YWHAG: variants seen among roughly 807,000 people sequenced by gnomAD.
YWHAG encodes tyrosine 3-monooxygenase/tryptophan 5-monooxygenase activation protein gamma.
In YWHAG, 1 loss-of-function variant was observed where a neutral mutation model predicts 23.3. The ratio of observed to expected loss-of-function variants is 0.04; its 90% CI spans 0.02 to 0.20. The LOEUF (loss-of-function observed/expected upper bound fraction) is 0.20. Ranked by LOEUF, YWHAG falls within the 10% of genes least tolerant of loss-of-function variation. The probability of loss-of-function intolerance (pLI) is 1.00; values close to 1 mark genes in which losing one functional copy is unlikely to be tolerated. For synonymous variants in YWHAG, 160 were observed against 144.0 expected, an observed-to-expected ratio of 1.11 and a Z score of -0.80; for missense variants, 151 against 338.6, an observed-to-expected ratio of 0.45 and a Z score of 4.35.
chr7:76,330,834 AC>A (rs1803532382), intron 1 of YWHAG, among the ~76,000 whole-genome samples: 1 of 152,104 alleles, frequency 6.6e-6, no homozygotes, highest in Admixed American at 6.5e-5. Context: ...CAACTTTACA[AC>A]CAGCAATACA....
rs115981348 is a variant in YWHAG, at chr7:76,351,091, C to A, written c.87+7631G>T. Among the ~76,000 whole-genome samples, 5 of 152,178 alleles carry A rather than the reference C, an allele frequency of 3.3e-5. No individual in the cohort carries two copies. In the East Asian group the frequency reaches 9.7e-4, roughly 29 times the overall value. ...AGAATATAAACTGTAGAAAAAGACA[C>A]GATGGAAATATCCCTGCATGTGAAT... On this transcript the variant is annotated intron_variant, in intron 1 of 1. Transcript: ENST00000307630.
intron 1 of YWHAG, among the ~76,000 whole-genome samples, chr7:76,358,207 T>C (rs1023064103): frequency 6.6e-5 from 10 of 151,898 alleles, no homozygotes; most frequent in Non-Finnish European, 1.3e-4. Context: ...TTCTCAGGGA[T>C]GTGTCGGGAC....
In YWHAG at chr7:76,329,509, C is replaced by CA; in HGVS notation, c.*67dup. ...CCCTTTCCCTCCCCCACCCGACCCCCAACTCATGGGAAAAAAATAAAGACT... is the reference window on the plus strand; with the variant it reads ...CCCTTTCCCTCCCCCACCCGACCCCCAAACTCATGGGAAAAAAATAAAGACT... On this transcript the variant is annotated 3_prime_UTR_variant, in exon 2 of 2. Coordinates refer to ENST00000307630, the MANE Select transcript of YWHAG (RefSeq NM_012479.4). The surrounding 1 kb of genome is among the most constrained non-coding windows in gnomAD (Gnocchi z 6.1). 7.0e-7 allele frequency: 1 copy of CA among 1,421,576 alleles called. No individual in the cohort carries two copies. Among genetic ancestry groups the CA allele is most frequent in the Non-Finnish European group, 9.4e-7 (1 of 1,069,516 alleles). 88.1% of individuals were successfully genotyped at this position (1,421,576 alleles called of 1,614,324 possible). A position where few individuals can be genotyped will look rare whatever the true frequency, so the allele number is the denominator to read the frequency against.
At chr7:76,344,153 T>C (rs1374124543) in intron 1 of YWHAG, among the ~76,000 whole-genome samples, 13 of 152,048 alleles carry the variant, frequency 8.5e-5, no homozygotes, top group Admixed American at 8.5e-4. Flanking sequence ...CTCTGTTGCC[T>C]AGGCTGGAAT....
At chr7:76,351,734 G>A (rs562551849) in intron 1 of YWHAG, among the ~76,000 whole-genome samples, 13 of 152,292 alleles carry the variant, frequency 8.5e-5, no homozygotes, top group African/African-American at 2.9e-4. Flanking sequence ...ACCCCCAGAC[G>A]GGACCATCTA....
intron 1 of YWHAG, among the ~76,000 whole-genome samples, chr7:76,353,883 A>C (rs1286798845): frequency 6.6e-6 from 1 of 151,944 alleles, no homozygotes. Flanking sequence ...AGCCTGGACA[A>C]CATGGCAACA....
Position 76,328,540 on chromosome 7 carries a change from C to G in YWHAG, c.*1037G>C, listed in dbSNP as rs1384747870. ...CCACAGACCTTCTCCAAACGCCTCT[C>G]CGACCCCACAGCTTCTGCACCCAGC... On this transcript the variant is annotated 3_prime_UTR_variant, in exon 2 of 2. Transcript: ENST00000307630. The G allele has an allele frequency of 1.3e-5, 2 of 152,224 alleles. No individual in the cohort carries two copies. The highest frequency in any genetic ancestry group is 4.8e-5 in the African/African-American group (2 of 41,428). 9.4% of individuals were successfully genotyped at this position (152,224 alleles called of 1,614,324 possible).
chr7:76,348,925 A>C (rs1563667182), intron 1 of YWHAG, among the ~76,000 whole-genome samples: 2 of 152,238 alleles, frequency 1.3e-5, no homozygotes, highest in Non-Finnish European at 2.9e-5. Flanking sequence ...TTAAAATCAG[A>C]AGATTATCAC....
chr7:76,327,959 G>C lies in YWHAG; in HGVS notation c.*1618C>G, dbSNP rs191562756. ...GTTCCTAATTGTAAGCTCAATTTTG[G>C]TATTAGCAAAAGCATCTGTCAGTTT... On this transcript the variant is annotated 3_prime_UTR_variant, in exon 2 of 2. Transcript: ENST00000307630. The C allele has an allele frequency of 2.0e-5, 3 of 151,992 alleles. No individual in the cohort carries two copies. Among genetic ancestry groups the C allele is most frequent in the African/African-American group, 7.2e-5 (3 of 41,410 alleles). The allele number at this position is 151,992 out of a possible 1,614,324, so 9.4% of individuals were successfully genotyped here.
At chr7:76,356,737 T>G (rs1444128926) in intron 1 of YWHAG, among the ~76,000 whole-genome samples, 1 of 152,228 alleles carries the variant, frequency 6.6e-6, no homozygotes, top group African/African-American at 2.4e-5. Context: ...AAAAGCATCT[T>G]ATAAACTTTT....
At chr7:76,346,315 C>T (rs1166964713) in intron 1 of YWHAG, among the ~76,000 whole-genome samples, 1 of 152,188 alleles carries the variant, frequency 6.6e-6, no homozygotes, top group Non-Finnish European at 1.5e-5. Context: ...GACACAGATG[C>T]TACATTTTTT....
chr7:76,341,081 G>A (rs377349277), intron 1 of YWHAG, among the ~76,000 whole-genome samples: 4 of 152,078 alleles, frequency 2.6e-5, no homozygotes, highest in African/African-American at 7.2e-5. Flanking sequence ...GGAAGCCACC[G>A]CACCTGGCCC....
At chr7:76,358,252 G>A (rs1803991038) in intron 1 of YWHAG, among the ~76,000 whole-genome samples, 3 of 152,182 alleles carry the variant, frequency 2.0e-5, no homozygotes, top group South Asian at 2.1e-4. Context: ...GGCTGGGGAG[G>A]TGGAAAACCG....
At chr7:76,352,970 C>G (rs528747060) in intron 1 of YWHAG, among the ~76,000 whole-genome samples, 1 of 152,000 alleles carries the variant, frequency 6.6e-6, no homozygotes, top group Admixed American at 6.6e-5. Context: ...AACTTAATGC[C>G]ATGCAGCACA....
intron 1 of YWHAG, 64 bp from the exon 2 acceptor site, chr7:76,330,297 T>C (rs1456620487): frequency 6.6e-7 from 1 of 1,512,096 alleles, no homozygotes; most frequent in Non-Finnish European, 8.9e-7. Context: ...AACTGTATCT[T>C]TGAGACACTA....
intron 1 of YWHAG, among the ~76,000 whole-genome samples, chr7:76,353,145 T>C (rs1282348313): frequency 1.3e-5 from 2 of 152,232 alleles, no homozygotes; most frequent in Non-Finnish European, 2.9e-5. Flanking sequence ...TTATTTTTTC[T>C]ACAAAATCAT....
intron 1 of YWHAG, among the ~76,000 whole-genome samples, chr7:76,347,153 A>C (rs1803790897): frequency 6.6e-6 from 1 of 152,184 alleles, no homozygotes; most frequent in Non-Finnish European, 1.5e-5. Context: ...CCCTAGGCTT[A>C]CTTCAATTTC....
rs11270080 is a variant in YWHAG, at chr7:76,328,826, G to GCCGAGCACCTGTGAACCAAAA, written c.*750_*751insTTTTGGTTCACAGGTGCTCGG. On this transcript the variant is annotated 3_prime_UTR_variant, in exon 2 of 2. Coordinates refer to ENST00000307630, the MANE Select transcript of YWHAG (RefSeq NM_012479.4). Reference sequence around the variant, plus strand: ...AAAAAAAAAAATCCCACAGCCACCTGACCTGAAGTCGCTTTCATTCTCATT... The same window carrying GCCGAGCACCTGTGAACCAAAA: ...AAAAAAAAAAATCCCACAGCCACCTGCCGAGCACCTGTGAACCAAAAACCTGAAGTCGCTTTCATTCTCATT... 3 of 151,500 alleles carry GCCGAGCACCTGTGAACCAAAA rather than the reference G, an allele frequency of 2.0e-5. No homozygotes were observed. The allele number at this position is 151,500 out of a possible 1,614,324, so 9.4% of individuals were successfully genotyped here. A position where few individuals can be genotyped will look rare whatever the true frequency, so the allele number is the denominator to read the frequency against.
intron 1 of YWHAG, among the ~76,000 whole-genome samples, chr7:76,334,204 T>A (rs781373702): frequency 7.9e-5 from 12 of 152,226 alleles, no homozygotes; most frequent in Non-Finnish European, 1.6e-4. Context: ...TAGATCATAA[T>A]TACTTGCATA....
Sources: allele counts gnomAD v4.1 joint callset (sites outside exome capture counted in the v4.1 genomes callset), GRCh38; gene constraint gnomAD v4.1.1; non-coding constraint Gnocchi (gnomAD v3.1); transcripts MANE v1.5; gene names NCBI Gene and HGNC (gene_info 2026-07-23, HGNC 2026-07-21).